Variants in EDRF1 observed in about 807,000 individuals in gnomAD.
The protein encoded by EDRF1 is erythroid differentiation regulatory factor 1.
Under a neutral mutation model 148.7 loss-of-function variants are expected in EDRF1, and 69 were observed. The observed-to-expected ratio is 0.46, with a 90% confidence interval of 0.38 to 0.57. EDRF1 has a LOEUF of 0.57. EDRF1 is among the 20% of genes least tolerant of loss of function. The pLI, the probability that EDRF1 is intolerant of heterozygous loss-of-function variation, is 0.00. For synonymous variants in EDRF1, 515 were observed against 532.8 expected, an observed-to-expected ratio of 0.97 and a Z score of 0.46; for missense variants, 1,118 against 1,478.7, an observed-to-expected ratio of 0.76 and a Z score of 4.00.
intron 24 of EDRF1, among the ~76,000 whole-genome samples, chr10:125,762,818 C>T (rs1022016222): frequency 5.3e-5 from 8 of 152,156 alleles, no homozygotes; most frequent in African/African-American, 9.7e-5. Context: ...CACAGGAAGG[C>T]GCTTAGGCCG....
chr10:125,723,258 AACTT>A, intron 3 of EDRF1, 124 bp downstream of exon 3: 1 of 860,324 alleles, frequency 1.2e-6, no homozygotes, highest in South Asian at 1.3e-5. Context: ...AATAAGATAA[AACTT>A]ACCTGATTAT....
intron 14 of EDRF1, 140 bp downstream of exon 14, chr10:125,738,129 CAG>C (rs1386901488): frequency 7.4e-7 from 1 of 1,349,610 alleles, no homozygotes; most frequent in Middle Eastern, 1.9e-4. Context: ...AAGTGAAAAT[CAG>C]ATTTGTTTTT....
intron 13 of EDRF1, among the ~76,000 whole-genome samples, chr10:125,737,257 T>TTCTGTTCCGTA (rs1301952471): frequency 2.0e-5 from 3 of 152,194 alleles, no homozygotes; most frequent in Non-Finnish European, 2.9e-5. Flanking sequence ...AGATAGCACT[T>TTCTGTTCCGTA]TCTGTTCCGT....
chr10:125,745,882 T>G lies in EDRF1; in HGVS notation c.2766T>G (p.Asp922Glu), dbSNP rs1849328007. Residue 922 changes from aspartate (D) to glutamate (E), a missense_variant, in exon 19 of 25, where the codon GAT becomes GAG. By Grantham distance (45) the Asp-to-Glu change is conservative (BLOSUM62 2). This residue lies in a region of EDRF1 where 954 missense variants were observed against 1,241.4 expected (regional missense o/e 0.77). Coordinates refer to ENST00000356792, the MANE Select transcript of EDRF1 (RefSeq NM_001202438.2). ...ICAQAHCGAGDELKREFSPEE... is the reference protein window; with the variant it reads ...ICAQAHCGAGEELKREFSPEE... ...CGCAGGCCCACTGTGGTGCAGGGGA[T>G]GAACTGAAACGTGAATTTTCACCAG... 6.2e-7 allele frequency: 1 copy of G among 1,614,116 alleles called. No individual in the cohort carries two copies. Among genetic ancestry groups the G allele is most frequent in the South Asian group, 1.1e-5 (1 of 91,092 alleles).
chr10:125,721,088 T>G (rs1847973748), intron 1 of EDRF1, 116 bp from the exon 2 acceptor site: 1 of 938,772 alleles, frequency 1.1e-6, no homozygotes, highest in African/African-American at 1.6e-5. Context: ...GTTAGTAACA[T>G]GTGGCATACG....
At chr10:125,733,244 G>C (rs1848557537) in intron 9 of EDRF1, among the ~76,000 whole-genome samples, 160 bp from the exon 10 acceptor site, 1 of 152,128 alleles carries the variant, frequency 6.6e-6, no homozygotes, top group South Asian at 2.1e-4. Context: ...CCTTTGGGAG[G>C]CTGGGGCAGA....
At chr10:125,724,528 C>T (rs539815255) in intron 4 of EDRF1, among the ~76,000 whole-genome samples, 5 of 152,298 alleles carry the variant, frequency 3.3e-5, no homozygotes, top group Non-Finnish European at 5.9e-5. Flanking sequence ...GCTGTACCAT[C>T]CAGGTTTCTA....
chr10:125,729,302 T>C, intron 7 of EDRF1, 56 bp from the exon 8 acceptor site: 1 of 1,598,284 alleles, frequency 6.3e-7, no homozygotes. Context: ...TTATGGATCA[T>C]GGGGGGAAAT....
At chr10:125,731,666 A>G (rs968189876) in intron 9 of EDRF1, among the ~76,000 whole-genome samples, 2 of 152,182 alleles carry the variant, frequency 1.3e-5, no homozygotes, top group Admixed American at 6.5e-5. Flanking sequence ...GAGATAGCAT[A>G]TAGGACAGAA....
At chr10:125,738,584 G>A in intron 15 of EDRF1, 139 bp downstream of exon 15, 1 of 1,004,884 alleles carries the variant, frequency 1.0e-6, no homozygotes. Context: ...ATTAGGGGTA[G>A]TATTCTTTCA....
chr10:125,724,457 C>T (rs574415898), intron 4 of EDRF1, among the ~76,000 whole-genome samples: 1 of 152,138 alleles, frequency 6.6e-6, no homozygotes. Context: ...ACTTCAGTCA[C>T]ATGTACAGAT....
chr10:125,750,527 T>A (rs896212658), intron 22 of EDRF1: 4 of 152,236 alleles, frequency 2.6e-5, no homozygotes, highest in African/African-American at 9.7e-5. Flanking sequence ...GTGCAGCAGT[T>A]CATTTAGTTT....
chr10:125,737,846 T>C (rs1269646333), intron 13 of EDRF1, 72 bp from the exon 14 acceptor site: 20 of 1,442,652 alleles, frequency 1.4e-5, no homozygotes, highest in South Asian at 2.3e-5. Flanking sequence ...AGTAATTTAA[T>C]CTTCAACAAA....
At chr10:125,726,412 C>T (rs1408671812) in intron 6 of EDRF1, among the ~76,000 whole-genome samples, 1 of 152,166 alleles carries the variant, frequency 6.6e-6, no homozygotes, top group Admixed American at 6.5e-5. Flanking sequence ...ACTAGGTTGT[C>T]CATTTTATCT....
chr10:125,747,398 C>T lies in EDRF1; in HGVS notation c.2815-138C>T. On this transcript the variant is annotated intron_variant, in intron 19 of 24. Transcript: ENST00000356792. ...TTTCATTGACTTACTTTTTTCATTT[C>T]CTCATAATATTGTCTCTTTATAAAT... is the stretch of plus-strand genomic sequence containing the variant. The T allele has an allele frequency of 4.1e-6, 4 of 986,514 alleles. No homozygotes were observed. In the Admixed American group the frequency reaches 6.3e-5, roughly 16 times the overall value. 61.1% of individuals were successfully genotyped at this position (986,514 alleles called of 1,614,324 possible).
At chr10:125,725,913 A>G in intron 6 of EDRF1, 75 bp downstream of exon 6, 2 of 1,500,272 alleles carry the variant, frequency 1.3e-6, no homozygotes, top group Non-Finnish European at 1.8e-6. Flanking sequence ...TTAAAAAAAA[A>G]AAAAGATGAA....
At chr10:125,748,128 C>G (rs1849461188) in intron 21 of EDRF1, 116 bp downstream of exon 21, 1 of 1,278,446 alleles carries the variant, frequency 7.8e-7, no homozygotes, top group African/African-American at 1.5e-5. Flanking sequence ...AGGTGAACTG[C>G]TGTCCTAAAT....
rs574258706 is a variant in EDRF1, at chr10:125,747,520, G to C, written c.2815-16G>C. The C allele has an allele frequency of 3.1e-6, 5 of 1,614,054 alleles. No individual in the cohort carries two copies. Among genetic ancestry groups the C allele is most frequent in the South Asian group, 1.1e-5 (1 of 91,078 alleles). ...TTAAGCTGAGTCAGAAATGTACACT[G>C]TTTTCTCCTTTGCAGGCTATTGATT... is the stretch of plus-strand genomic sequence containing the variant. On this transcript the variant is annotated splice_polypyrimidine_tract_variant and intron_variant, in intron 19 of 24. Transcript: ENST00000356792.
At chr10:125,726,309 G>C (rs746230694) in intron 6 of EDRF1, among the ~76,000 whole-genome samples, 22 of 152,252 alleles carry the variant, frequency 1.4e-4, no homozygotes, top group Non-Finnish European at 2.9e-4. Context: ...CAGTCAGATT[G>C]TTAGACCTAA....
Sources: gnomAD v4.1 joint callset for allele counts (sites outside exome capture counted in the v4.1 genomes callset) on GRCh38, gnomAD v4.1.1 for gene constraint, gnomAD v4.1.1 regional missense constraint, MANE v1.5 for transcripts, NCBI Gene and HGNC (gene_info 2026-07-23, HGNC 2026-07-21) for gene names.